HDAC11: variants seen among roughly 807,000 people sequenced by gnomAD.
HDAC11 encodes histone deacetylase 11.
Under a neutral mutation model 41.1 loss-of-function variants are expected in HDAC11, and 23 were observed. That is an observed-to-expected ratio of 0.56 (90% confidence interval 0.40 to 0.79). The LOEUF (loss-of-function observed/expected upper bound fraction) is 0.79, where lower values mean the gene tolerates loss of function less well. Among genes scored for constraint, HDAC11 ranks in the 30% least tolerant of loss-of-function variants. HDAC11 has a pLI of 0.00. For missense variants in HDAC11, 402 were observed against 477.3 expected, an observed-to-expected ratio of 0.84 and a Z score of 1.47; for synonymous variants, 187 against 186.6, an observed-to-expected ratio of 1.00 and a Z score of -0.02.
At chr3:13,496,984 G>T in intron 4 of HDAC11, 132 bp downstream of exon 4, 1 of 509,110 alleles carries the variant, frequency 2.0e-6, no homozygotes, top group Middle Eastern at 4.9e-4. Context: ...TCAAGGCTCG[G>T]CAACAATGAC....
chr3:13,486,623 G>T (rs1202718780), intron 3 of HDAC11, among the ~76,000 whole-genome samples: 1 of 141,538 alleles, frequency 7.1e-6, no homozygotes, highest in Non-Finnish European at 1.5e-5. Flanking sequence ...TTGTTGCCCA[G>T]GCTCGAGTAC....
intron 3 of HDAC11, among the ~76,000 whole-genome samples, chr3:13,493,933 G>T (rs1455335764): frequency 6.6e-6 from 1 of 152,246 alleles, no homozygotes; most frequent in Non-Finnish European, 1.5e-5. Flanking sequence ...GAAGGTTAGT[G>T]TGTGTGACTT....
intron 3 of HDAC11, among the ~76,000 whole-genome samples, chr3:13,489,448 C>T (rs1244213758): frequency 3.3e-5 from 5 of 152,304 alleles, no homozygotes; most frequent in South Asian, 2.1e-4. Context: ...ATCCAGTTAT[C>T]CCAGCACCAT....
At chr3:13,487,948 T>C (rs1701671418) in intron 3 of HDAC11, among the ~76,000 whole-genome samples, 2 of 151,668 alleles carry the variant, frequency 1.3e-5, no homozygotes, top group African/African-American at 2.4e-5. Flanking sequence ...CAGTTTTAAA[T>C]CAGGAGTCAG....
intron 3 of HDAC11, among the ~76,000 whole-genome samples, chr3:13,489,774 G>T (rs950626331): frequency 5.9e-5 from 9 of 152,074 alleles, no homozygotes; most frequent in Non-Finnish European, 1.3e-4. Flanking sequence ...CACCATGTTG[G>T]CTAGGCTGGT....
rs116761562 is a variant in HDAC11 at position 13,484,464 on chromosome 3, C to T, written c.252+900C>T. Among the ~76,000 whole-genome samples, 1,128 of 152,270 alleles carry T rather than the reference C, an allele frequency of 7.4e-3. 15 individuals are homozygous for T. The highest frequency in any genetic ancestry group is 0.025 in the African/African-American group (1,051 of 41,548). On this transcript the variant is annotated intron_variant, in intron 3 of 9. Coordinates refer to ENST00000295757, the MANE Select transcript of HDAC11 (RefSeq NM_024827.4). ...GCGGCTCCTCAGCTCCACTGTGGGC[C>T]CGGCATGGCCAGAGCACCTGGTCTT...
chr3:13,500,655 T>G, intron 5 of HDAC11, 58 bp from the exon 6 acceptor site: 1 of 1,386,276 alleles, frequency 7.2e-7, no homozygotes, highest in Non-Finnish European at 1.0e-6. Context: ...ATGGAGGAGC[T>G]CCTGGACTGA....
chr3:13,489,819 C>T lies in HDAC11; in HGVS notation c.252+6255C>T, dbSNP rs149624568. Among the ~76,000 whole-genome samples the T allele has an allele frequency of 1.3e-3, 196 of 152,254 alleles. 3 individuals carry two copies. In the East Asian group the frequency reaches 0.023, roughly 18 times the overall value. The stretch of plus-strand genomic sequence containing the variant: ...GTGACCTCAAGTGATTTGCTCACCT[C>T]GGCCTCTCAAAGTACTGGGATTACA... On this transcript the variant is annotated intron_variant, in intron 3 of 9. Transcript: ENST00000295757.
rs1284643766 is a variant in HDAC11, at chr3:13,483,513, G to A, written c.201G>A (p.Ser67=). Reference sequence around the variant, plus strand: ...TGCTGGTGGAGGCGCGGGAGGCCTCGGAGGAGGACCTGCTGGTGGTGCACA... The same window carrying A: ...TGCTGGTGGAGGCGCGGGAGGCCTCAGAGGAGGACCTGCTGGTGGTGCACA... The part of the protein sequence containing the change: ...DSMLVEAREA[S]EEDLLVVHTR... The change falls in exon 3 of 10, where the codon TCG becomes TCA. Residue 67 remains serine (S), a synonymous_variant. Coordinates refer to ENST00000295757, the MANE Select transcript of HDAC11 (RefSeq NM_024827.4). The A allele has an allele frequency of 5.0e-6, 8 of 1,614,032 alleles. No homozygotes were observed. The highest frequency in any genetic ancestry group is 2.7e-5 in the African/African-American group (2 of 75,022).
intron 6 of HDAC11, among the ~76,000 whole-genome samples, chr3:13,501,279 G>T (rs1702353173): frequency 6.6e-6 from 1 of 152,192 alleles, no homozygotes; most frequent in Non-Finnish European, 1.5e-5. Flanking sequence ...CCTCTGGTCT[G>T]TGGGGCCCCA....
chr3:13,482,144 C>A (rs1325503291), intron 2 of HDAC11, among the ~76,000 whole-genome samples: 1 of 152,126 alleles, frequency 6.6e-6, no homozygotes, highest in African/African-American at 2.4e-5. Flanking sequence ...GAGCTCCAGG[C>A]GCCCTACCTT....
At chr3:13,490,712 A>G (rs1430675840) in intron 3 of HDAC11, among the ~76,000 whole-genome samples, 1 of 142,622 alleles carries the variant, frequency 7.0e-6, no homozygotes, top group Non-Finnish European at 1.5e-5. Context: ...GTATCCTACA[A>G]CTTTGCTGAA....
In HDAC11 at chr3:13,504,673, C is replaced by G. The variant is rs1418462839; in HGVS notation, c.1034C>G (p.Ala345Gly). 5 of 1,613,486 alleles carry G rather than the reference C, an allele frequency of 3.1e-6. No individual in the cohort carries two copies. Among genetic ancestry groups the G allele is most frequent in the Non-Finnish European group, 4.2e-6 (5 of 1,179,868 alleles). Residue 345 changes from alanine to glycine, a missense_variant, in exon 10 of 10, where the codon GCA becomes GGA. Physicochemically the swap from Ala to Gly is moderately conservative, Grantham distance 60. Coordinates refer to ENST00000295757, the MANE Select transcript of HDAC11 (RefSeq NM_024827.4). ...TCAGACACACCGCTGCTTCCCCCTG[C>G]AGTGCCCTGACCCTTGCTGCCCTGC... ...QNSDTPLLPP[A>G]VP
rs766247758 is a variant in HDAC11, at chr3:13,502,881, C to T, written c.553-3C>T. Reference sequence around the variant, plus strand: ...GAGAGCGGCTACTGTGACCTCCCCACAGGGCAATGGGCATGAGCGAGACTT... The same window carrying T: ...GAGAGCGGCTACTGTGACCTCCCCATAGGGCAATGGGCATGAGCGAGACTT... On this transcript the variant is annotated splice_region_variant and splice_polypyrimidine_tract_variant and intron_variant, in intron 7 of 9. Coordinates refer to ENST00000295757, the MANE Select transcript of HDAC11 (RefSeq NM_024827.4). This position sits in a 1 kb window ranked among gnomAD's most constrained non-coding sequence, Gnocchi z 4.1. 5 of 1,612,814 alleles carry T rather than the reference C, an allele frequency of 3.1e-6. No homozygotes were observed. The highest frequency in any genetic ancestry group is 1.3e-5 in the African/African-American group (1 of 75,040).
intron 6 of HDAC11, chr3:13,501,532 G>T: frequency 2.0e-6 from 1 of 509,966 alleles, no homozygotes; most frequent in South Asian, 1.7e-5. Context: ...TCCCAGGGCT[G>T]TGGGGATTCT....
intron 2 of HDAC11, among the ~76,000 whole-genome samples, chr3:13,482,801 GTTTA>G (rs1189214157): frequency 6.7e-6 from 1 of 149,504 alleles, no homozygotes; most frequent in Non-Finnish European, 1.5e-5. Context: ...TTATTTATTT[GTTTA>G]TTTATTTATT....
At position 13,496,837 on chromosome 3, in the gene HDAC11, A is replaced by G; in HGVS notation, c.354A>G (p.Thr118=). The G allele has an allele frequency of 1.6e-6, 2 of 1,249,042 alleles. No individual in the cohort carries two copies. The highest frequency in any genetic ancestry group is 3.9e-5 in the Admixed American group (2 of 51,850). The allele number at this position is 1,249,042 out of a possible 1,614,324, so 77.4% of individuals were successfully genotyped here. Residue 118 remains threonine (T), a synonymous_variant, in exon 4 of 10, where the codon ACA becomes ACG. Transcript: ENST00000295757. ...TGCTGAGGCCCCTTCGGACCCAGAC[A>G]GGAGGAACCATAATGGTAGGTGGGG... ...RKVLRPLRTQ[T]GGTIMAGKLA... is the part of the protein sequence containing the mutation.
intron 6 of HDAC11, 172 bp from the exon 7 acceptor site, chr3:13,501,699 A>C (rs1353418996): frequency 5.5e-6 from 4 of 724,674 alleles, no homozygotes; most frequent in Non-Finnish European, 1.0e-5. Context: ...ATGGAGCCCC[A>C]CAGCTGGAGC....
In HDAC11 at chr3:13,480,439, C is replaced by T. The variant is rs958274305; in HGVS notation, c.2+90C>T. ...GCGAGGGCGGGGACGGCCGGGCGGG[C>T]GCGCCAGGTAAGGGCCCAGATTTGC... On this transcript the variant is annotated intron_variant, in intron 1 of 9. Coordinates refer to ENST00000295757, the MANE Select transcript of HDAC11 (RefSeq NM_024827.4). This position sits in a 1 kb window ranked among gnomAD's most constrained non-coding sequence, Gnocchi z 4.6. The T allele has an allele frequency of 9.5e-6, 8 of 844,632 alleles. No individual in the cohort carries two copies. The highest frequency in any genetic ancestry group is 4.7e-5 in the Admixed American group (1 of 21,394). 52.3% of individuals were successfully genotyped at this position (844,632 alleles called of 1,614,324 possible).
Sources: allele counts gnomAD v4.1 joint callset (sites outside exome capture counted in the v4.1 genomes callset), GRCh38; gene constraint gnomAD v4.1.1; non-coding constraint Gnocchi (gnomAD v3.1); transcripts MANE v1.5; gene names NCBI Gene and HGNC (gene_info 2026-07-23, HGNC 2026-07-21).